DIP2B: variants seen among roughly 807,000 people sequenced by gnomAD.
DIP2B encodes the protein disco-interacting protein 2 homolog B.
A neutral mutation model predicts 198.0 loss-of-function variants in DIP2B; 76 were observed. The observed-to-expected ratio is 0.38, with a 90% CI of 0.32 to 0.46. The LOEUF (loss-of-function observed/expected upper bound fraction) is 0.46, where lower values mean the gene tolerates loss of function less well. DIP2B is among the 20% of genes least tolerant of loss of function. DIP2B has a pLI of 0.99. For missense variants in DIP2B, 1,559 were observed against 1,978.4 expected (o/e 0.79, Z 4.02); for synonymous variants, 701 against 739.1 (o/e 0.95, Z 0.84).
In DIP2B at chr12:50,558,190, C is replaced by T. The variant is rs555813471; in HGVS notation, c.100+52950C>T. ...CGAGACCAGCAACATAGTGAGACCC[C>T]GTTTCTACAAAAAATATTCACAAAT... On this transcript the variant is annotated intron_variant, in intron 1 of 37. Transcript: ENST00000301180. Among the ~76,000 whole-genome samples, 186 of 152,232 alleles carry T rather than the reference C, an allele frequency of 1.2e-3. 2 individuals carry two copies. The highest frequency in any genetic ancestry group is 4.2e-3 in the African/African-American group (174 of 41,540).
intron 22 of DIP2B, among the ~76,000 whole-genome samples, chr12:50,709,018 G>A (rs1939564605): frequency 6.6e-6 from 1 of 152,238 alleles, no homozygotes; most frequent in Non-Finnish European, 1.5e-5. Context: ...AACCATGAGG[G>A]AAGGAGAATG....
chr12:50,583,558 G>A (rs993607885), intron 1 of DIP2B, among the ~76,000 whole-genome samples: 2 of 152,162 alleles, frequency 1.3e-5, no homozygotes, highest in African/African-American at 4.8e-5. Flanking sequence ...CTTTACGAAG[G>A]TGTGGAAGTG....
intron 30 of DIP2B, among the ~76,000 whole-genome samples, chr12:50,730,005 G>C (rs922353473): frequency 6.6e-6 from 1 of 152,128 alleles, no homozygotes; most frequent in Non-Finnish European, 1.5e-5. Flanking sequence ...TTATAGGTGT[G>C]AGCCACCACA....
chr12:50,591,155 T>A (rs2139429465), intron 1 of DIP2B, among the ~76,000 whole-genome samples: 1 of 152,344 alleles, frequency 6.6e-6, no homozygotes, highest in African/African-American at 2.4e-5. Flanking sequence ...TCTTTATGAA[T>A]TGTGCAGTCT....
In DIP2B at chr12:50,643,411, G is replaced by GTGTGTGTA. The variant is rs1938295173; in HGVS notation, c.301+2566_301+2567insATGTGTGT. The stretch of plus-strand genomic sequence containing the variant: ...AATCTCACTGGGAGTTTTTCTGTGT[G>GTGTGTGTA]TGTGTGTGTGTGTGTGTGTGTGTGT... On this transcript the variant is annotated intron_variant, in intron 3 of 37. Coordinates refer to ENST00000301180, the MANE Select transcript of DIP2B (RefSeq NM_173602.3). Among the ~76,000 whole-genome samples, 3 of 116,628 alleles carry GTGTGTGTA rather than the reference G, an allele frequency of 2.6e-5. No homozygotes were observed. The South Asian group carries it at 9.2e-4, about 36-fold the overall frequency. The allele number at this position is 116,628 out of a possible 152,430, so 76.5% of individuals were successfully genotyped here. A position where few individuals can be genotyped will look rare whatever the true frequency, so the allele number is the denominator to read the frequency against.
At chr12:50,582,496 T>A (rs1958734740) in intron 1 of DIP2B, among the ~76,000 whole-genome samples, 1 of 152,218 alleles carries the variant, frequency 6.6e-6, no homozygotes, top group East Asian at 1.9e-4. Flanking sequence ...AGAGTAGAAT[T>A]CTATGAAACA....
At chr12:50,686,443 A>G (rs761861850) in intron 11 of DIP2B, 130 bp from the exon 12 acceptor site, 47 of 795,236 alleles carry the variant, frequency 5.9e-5, no homozygotes, top group Non-Finnish European at 7.6e-5. Context: ...AAAAACTAAT[A>G]AAAACTAAGT....
chr12:50,734,930 G>A, intron 33 of DIP2B, 143 bp from the exon 34 acceptor site: 1 of 961,612 alleles, frequency 1.0e-6, no homozygotes. Flanking sequence ...CAAAATGTTA[G>A]TAGTGCTGAG....
chr12:50,626,174 C>A, intron 2 of DIP2B, 127 bp downstream of exon 2: 3 of 941,060 alleles, frequency 3.2e-6, no homozygotes, highest in Non-Finnish European at 3.2e-6. Context: ...GAGAAAAAAA[C>A]GGAAGGAAAG....
At chr12:50,660,734 G>A (rs1938631382) in intron 4 of DIP2B, among the ~76,000 whole-genome samples, 1 of 152,086 alleles carries the variant, frequency 6.6e-6, no homozygotes, top group Admixed American at 6.5e-5. Context: ...TCTGCAGCAG[G>A]CATGAGAATT....
At chr12:50,518,340 T>G (rs1165891196) in intron 1 of DIP2B, among the ~76,000 whole-genome samples, 1 of 152,074 alleles carries the variant, frequency 6.6e-6, no homozygotes, top group Non-Finnish European at 1.5e-5. Context: ...TTCTGCTTCT[T>G]CAGCCTCCCG....
chr12:50,557,927 G>A (rs911809612), intron 1 of DIP2B, among the ~76,000 whole-genome samples: 9 of 152,158 alleles, frequency 5.9e-5, no homozygotes, highest in African/African-American at 2.2e-4. Context: ...TGAGAGGATC[G>A]CTTGAGCCCA....
At chr12:50,660,491 C>G (rs553299929) in intron 4 of DIP2B, among the ~76,000 whole-genome samples, 172 bp downstream of exon 4, 19 of 151,844 alleles carry the variant, frequency 1.3e-4, no homozygotes, top group Admixed American at 2.0e-4. Context: ...AAACAACACA[C>G]AAAAAGATGT....
In DIP2B at chr12:50,592,366, A is replaced by G. The variant is rs545466249; in HGVS notation, c.101-33610A>G. On this transcript the variant is annotated intron_variant, in intron 1 of 37. Transcript: ENST00000301180. The stretch of plus-strand genomic sequence containing the variant: ...ATTTTTAATTTTTTTTGTTGTGACA[A>G]GGTTTCATGTTGTTGCCTAGGGTCA... 4.0e-5 allele frequency among the ~76,000 whole-genome samples: 6 copies of G among 151,608 alleles called. No individual in the cohort carries two copies. In the South Asian group the frequency reaches 8.3e-4, roughly 21 times the overall value.
chr12:50,665,225 T>TTC (rs1938729155), intron 4 of DIP2B, among the ~76,000 whole-genome samples: 1 of 152,184 alleles, frequency 6.6e-6, no homozygotes, highest in South Asian at 2.1e-4. Flanking sequence ...TTCATGGAAT[T>TTC]ATAGTACATT....
intron 1 of DIP2B, among the ~76,000 whole-genome samples, chr12:50,544,742 T>A: frequency 6.6e-6 from 1 of 151,806 alleles, no homozygotes; most frequent in East Asian, 1.9e-4. Flanking sequence ...CTCAGCCTCC[T>A]GAGTAGTTGG....
intron 1 of DIP2B, among the ~76,000 whole-genome samples, chr12:50,528,047 C>T (rs1170409806): frequency 1.3e-5 from 2 of 151,586 alleles, no homozygotes; most frequent in African/African-American, 4.8e-5. Flanking sequence ...TCTGCCTTAG[C>T]CTCCCAGGTA....
chr12:50,744,667 C>T lies in DIP2B; in HGVS notation c.4559C>T (p.Pro1520Leu). 6.2e-7 allele frequency: 1 copy of T among 1,614,160 alleles called. No individual in the cohort carries two copies. The highest frequency in any genetic ancestry group is 8.5e-7 in the Non-Finnish European group (1 of 1,180,050). Residue 1520 changes from proline to leucine, a missense_variant, in exon 38 of 38, where the codon CCA becomes CTA. Pro to Leu is a moderately conservative substitution (Grantham distance 98). Coordinates refer to ENST00000301180, the MANE Select transcript of DIP2B (RefSeq NM_173602.3). ...GAACAGGAAGCCCTAGATCTGGTCC[C>T]ATTAGTGACCAACGTGGTCCTGGAA... The part of the protein sequence containing the change: ...GSEQEALDLV[P>L]LVTNVVLEEH...
At position 50,686,653 on chromosome 12, in the gene DIP2B, C is replaced by T; in HGVS notation, c.1522C>T (p.Pro508Ser). The change falls in exon 12 of 38, where the codon CCT becomes TCT. Residue 508 changes from proline (P) to serine (S), a missense_variant. By Grantham distance (74) the Pro-to-Ser change is moderately conservative. Transcript: ENST00000301180. ...PPKDWQPHIS[P>S]AGTEPAYIEY... ...GAAAGACTGGCAGCCACACATCTCA[C>T]CTGCTGGGACAGAACCGGCATACAT... 6.2e-7 allele frequency: 1 copy of T among 1,614,018 alleles called. No homozygotes were observed. The highest frequency in any genetic ancestry group is 8.5e-7 in the Non-Finnish European group (1 of 1,179,996).
Sources: allele counts gnomAD v4.1 joint callset (sites outside exome capture counted in the v4.1 genomes callset), GRCh38; gene constraint gnomAD v4.1.1; transcripts MANE v1.5; gene names NCBI Gene and HGNC (gene_info 2026-07-23, HGNC 2026-07-21).